The following NCOR2 variants were observed in gnomAD, a reference collection of about 807,000 sequenced individuals.
NCOR2 encodes CTG repeat protein 26.
A neutral mutation model predicts 262.9 loss-of-function variants in NCOR2; 81 were observed. That is an observed-to-expected ratio of 0.31 (90% confidence interval 0.26 to 0.37). The LOEUF is 0.37. NCOR2 is among the 10% of genes least tolerant of loss of function. The pLI is 1.00. For missense variants in NCOR2, 3,385 were observed against 3,621.4 expected (o/e 0.93, Z 1.68); for synonymous variants, 1,659 against 1,559.3 (o/e 1.06, Z -1.51).
At chr12:124,335,096 T>G in intron 40 of NCOR2, 39 bp downstream of exon 42, 2 of 1,612,038 alleles carry the variant, frequency 1.2e-6, no homozygotes, top group South Asian at 1.1e-5. Flanking sequence ...TGCCCCCAGG[T>G]GCAAAGGTGA....
chr12:124,423,570 C>A (rs1478325545), intron 11 of NCOR2, among the ~76,000 whole-genome samples: 1 of 152,234 alleles, frequency 6.6e-6, no homozygotes, highest in Non-Finnish European at 1.5e-5. Flanking sequence ...CCACCTCGGG[C>A]GGCTGGCAAG....
chr12:124,347,613 C>G, intron 30 of NCOR2: 1 of 576,756 alleles, frequency 1.7e-6, no homozygotes, highest in African/African-American at 1.9e-5. Flanking sequence ...CAGGGGTGAT[C>G]GGTGGTATTT....
At chr12:124,438,091 G>A (rs2044469666) in intron 7 of NCOR2, 95 bp from the exon 10 acceptor site, 1 of 1,245,194 alleles carries the variant, frequency 8.0e-7, no homozygotes. Flanking sequence ...CCCCAAATTT[G>A]CCCCGTTATT....
intron 20 of NCOR2, 30 bp downstream of exon 22, chr12:124,371,992 C>T (rs1003906738): frequency 6.5e-7 from 1 of 1,544,766 alleles, no homozygotes; most frequent in Non-Finnish European, 8.7e-7. Flanking sequence ...AGACAAAAGC[C>T]AAGGTTAGGG....
At chr12:124,367,642 A>AT (rs912848445) in intron 20 of NCOR2, among the ~76,000 whole-genome samples, 3 of 151,746 alleles carry the variant, frequency 2.0e-5, no homozygotes, top group Admixed American at 6.6e-5. Context: ...TTATTTATTT[A>AT]TTTTTTTGGA....
rs537626981 is a variant in NCOR2, at chr12:124,443,466, G to A, written c.816-5470C>T. On this transcript the variant is annotated intron_variant, in intron 7 of 46. Transcript: ENST00000405201. This position sits in a 1 kb window ranked among gnomAD's most constrained non-coding sequence, Gnocchi z 4.4. The stretch of plus-strand genomic sequence containing the variant: ...CAGGCCAGAGACAGCCTCTGAGGGT[G>A]TTGTGTTGGGCTGTGGTGCTTTATT... Among the ~76,000 whole-genome samples, 1 of 152,254 alleles carries A rather than the reference G, an allele frequency of 6.6e-6. No homozygotes were observed. Among genetic ancestry groups the A allele is most frequent in the East Asian group, 1.9e-4 (1 of 5,186 alleles).
chr12:124,392,883 G>C (rs953773413), intron 16 of NCOR2, among the ~76,000 whole-genome samples: 14 of 152,256 alleles, frequency 9.2e-5, no homozygotes, highest in African/African-American at 3.4e-4. Flanking sequence ...GGCAGCTGGA[G>C]TCCTGGGGGA....
intron 16 of NCOR2, among the ~76,000 whole-genome samples, chr12:124,397,303 C>A (rs1303208852): frequency 3.3e-5 from 5 of 152,238 alleles, no homozygotes; most frequent in African/African-American, 1.2e-4. Context: ...ACAGGGTTAT[C>A]TGATTCCGCA....
rs969873125 is a variant in NCOR2 at position 124,408,833 on chromosome 12, A to G, written c.1483-6272T>C. Among the ~76,000 whole-genome samples, 3 of 152,208 alleles carry G rather than the reference A, an allele frequency of 2.0e-5. No homozygotes were observed. The East Asian group carries it at 5.8e-4, about 29-fold the overall frequency. On this transcript the variant is annotated intron_variant, in intron 13 of 46. Coordinates refer to ENST00000405201, the Ensembl canonical transcript of NCOR2. ...CATTGCTTCCTGATCATCTGGCTAC[A>G]TGGAGCTACGAAGTCATCCGTGCCG...
chr12:124,473,749 T>C (rs1451226732), intron 3 of NCOR2, among the ~76,000 whole-genome samples: 1 of 152,116 alleles, frequency 6.6e-6, no homozygotes, highest in East Asian at 1.9e-4. Context: ...GTGAGTACAA[T>C]TAAACCTCTT....
chr12:124,532,700 C>T (rs558707387), intron 1 of NCOR2, among the ~76,000 whole-genome samples: 4 of 152,288 alleles, frequency 2.6e-5, no homozygotes, highest in Admixed American at 2.6e-4. Context: ...CCCATTAGGC[C>T]GGAGACGGAG....
chr12:124,437,192 C>A (rs1168479935), intron 8 of NCOR2, among the ~76,000 whole-genome samples: 1 of 152,236 alleles, frequency 6.6e-6, no homozygotes, highest in African/African-American at 2.4e-5. Context: ...CTACACCCAA[C>A]AGACATTTCC....
rs901005957 is a variant in NCOR2, at chr12:124,503,561, A to G, written c.-117-8193T>C. 1.3e-5 allele frequency among the ~76,000 whole-genome samples: 2 copies of G among 150,248 alleles called. No homozygotes were observed. The highest frequency in any genetic ancestry group is 6.6e-5 in the Admixed American group (1 of 15,110). The stretch of plus-strand genomic sequence containing the variant: ...GATGGATGGATGGACGAATGGATGG[A>G]TGGATAGATGGAAGACGGACGGATG... On this transcript the variant is annotated intron_variant, in intron 1 of 46. Transcript: ENST00000404621. This position sits in a 1 kb window ranked among gnomAD's most constrained non-coding sequence, Gnocchi z 4.3.
intron 16 of NCOR2, among the ~76,000 whole-genome samples, chr12:124,392,380 C>T (rs2041365929): frequency 6.6e-6 from 1 of 152,182 alleles, no homozygotes; most frequent in African/African-American, 2.4e-5. Flanking sequence ...GGCCAACCAG[C>T]CCCAGACATG....
At chr12:124,383,496 T>A in intron 17 of NCOR2, 1 of 913,226 alleles carries the variant, frequency 1.1e-6, no homozygotes. Flanking sequence ...TGCTCATACC[T>A]CCCACAAATC....
At position 124,357,705 on chromosome 12, in the gene NCOR2, C is replaced by T. The variant is rs73419887; in HGVS notation, c.3101-923G>A. Reference sequence around the variant, plus strand: ...CTTGCAACAGAGATTGTCTGGCCCACAAAGCCTAAAATGTTCACTCTCCGG... The same window carrying T: ...CTTGCAACAGAGATTGTCTGGCCCATAAAGCCTAAAATGTTCACTCTCCGG... On this transcript the variant is annotated intron_variant, in intron 22 of 46. Coordinates refer to ENST00000405201, the Ensembl canonical transcript of NCOR2. 3.0e-3 allele frequency among the ~76,000 whole-genome samples: 456 copies of T among 152,396 alleles called. 3 individuals carry two copies. Among genetic ancestry groups the T allele is most frequent in the African/African-American group, 9.9e-3 (412 of 41,602 alleles).
intron 17 of NCOR2, among the ~76,000 whole-genome samples, chr12:124,384,257 CT>C (rs1451009533): frequency 6.6e-6 from 1 of 152,236 alleles, no homozygotes; most frequent in African/African-American, 2.4e-5. Flanking sequence ...CTCAGGCCCT[CT>C]TTGCCACAAG....
chr12:124,382,946 C>T (rs1252738042), intron 17 of NCOR2, among the ~76,000 whole-genome samples: 1 of 152,236 alleles, frequency 6.6e-6, no homozygotes, highest in Non-Finnish European at 1.5e-5. Context: ...TCCTTGGACC[C>T]AGTCACTAAG....
chr12:124,494,268 C>G (rs1485891752), intron 1 of NCOR2, among the ~76,000 whole-genome samples: 10 of 152,174 alleles, frequency 6.6e-5, no homozygotes, highest in Non-Finnish European at 1.2e-4. Context: ...CCGGCAGGGT[C>G]AGCTTCACTC....
Sources: gnomAD v4.1 joint callset for allele counts (sites outside exome capture counted in the v4.1 genomes callset) on GRCh38, gnomAD v4.1.1 for gene constraint, Gnocchi (gnomAD v3.1) non-coding constraint, MANE v1.5 for transcripts, NCBI Gene and HGNC (gene_info 2026-07-23, HGNC 2026-07-21) for gene names.